MCF2L2: variants seen among roughly 807,000 people sequenced by gnomAD.
The protein encoded by MCF2L2 is probable guanine nucleotide exchange factor MCF2L2.
A neutral mutation model predicts 150.2 loss-of-function variants in MCF2L2; 102 were observed. That is an observed-to-expected ratio of 0.68 (90% CI 0.58 to 0.80). The LOEUF (loss-of-function observed/expected upper bound fraction) is 0.80, where lower values mean the gene tolerates loss of function less well. MCF2L2 is among the 30% of genes least tolerant of loss of function. MCF2L2 has a pLI of 0.00. For synonymous variants in MCF2L2, 465 were observed against 491.3 expected, an observed-to-expected ratio of 0.95 and a Z score of 0.71; for missense variants, 1,256 against 1,372.8, an observed-to-expected ratio of 0.91 and a Z score of 1.34.
rs1721451209 is a variant in MCF2L2, at chr3:183,179,735, A to T, written c.3106-43T>A. ...GGTGCACCCTCAGAGTTATTGCTGGAGGCTGTGGCCAGACCGGGCAAGGTG... is the reference window on the plus strand; with the variant it reads ...GGTGCACCCTCAGAGTTATTGCTGGTGGCTGTGGCCAGACCGGGCAAGGTG... On this transcript the variant is annotated intron_variant, in intron 28 of 29. Coordinates refer to ENST00000328913, the MANE Select transcript of MCF2L2 (RefSeq NM_015078.4). This position sits in a 1 kb window ranked among gnomAD's most constrained non-coding sequence, Gnocchi z 4.2. 6.4e-7 allele frequency: 1 copy of T among 1,563,056 alleles called. No individual in the cohort carries two copies. Among genetic ancestry groups the T allele is most frequent in the Admixed American group, 1.7e-5 (1 of 59,308 alleles).
chr3:183,205,747 C>T, intron 25 of MCF2L2, 129 bp downstream of exon 25: 1 of 674,856 alleles, frequency 1.5e-6, no homozygotes. Flanking sequence ...CTTCCAGGGA[C>T]TGTGAAAATG....
At chr3:183,229,909 C>T in intron 16 of MCF2L2, 128 bp from the exon 17 acceptor site, 2 of 481,742 alleles carry the variant, frequency 4.2e-6, no homozygotes, top group Non-Finnish European at 3.8e-6. Flanking sequence ...TTCTTGAAAG[C>T]TATCGTATTG....
chr3:183,301,793 C>CAAAAAAAAAAAAAAAA (rs200514561), intron 10 of MCF2L2, among the ~76,000 whole-genome samples: 8 of 124,342 alleles, frequency 6.4e-5, no homozygotes, highest in African/African-American at 2.4e-4. Context: ...GCTCTGTCTC[C>CAAAAAAAAAAAAAAAA]AAAAAAAAAA....
chr3:183,375,015 G>A (rs1455134005), intron 3 of MCF2L2: 3 of 152,294 alleles, frequency 2.0e-5, no homozygotes, highest in African/African-American at 4.8e-5. Context: ...ACAGCCTAAG[G>A]ATACTACAAC....
chr3:183,216,580 ATTTTTTTTTTTTTTTTTT>A (rs1160267005), intron 21 of MCF2L2, among the ~76,000 whole-genome samples: 31 of 3,848 alleles, frequency 8.1e-3, no homozygotes, highest in East Asian at 0.014. Flanking sequence ...ATATATATAT[ATTTTTTTTTTTTTTTTTT>A]TTTTTTTTTT....
At chr3:183,309,971 T>A in intron 9 of MCF2L2, 136 bp from the exon 10 acceptor site, 6 of 985,262 alleles carry the variant, frequency 6.1e-6, no homozygotes, top group South Asian at 2.1e-5. Flanking sequence ...TGTTAAAAAT[T>A]TTTTTTTTGC....
rs143091752 is a variant in MCF2L2 at position 183,183,631 on chromosome 3, T to A, written c.3017-3472A>T. Reference sequence around the variant, plus strand: ...AGCTTCCTTATCTCTAAAATGGAGATAATAACATCGATTTTGCAGTCTTGG... The same window carrying A: ...AGCTTCCTTATCTCTAAAATGGAGAAAATAACATCGATTTTGCAGTCTTGG... On this transcript the variant is annotated intron_variant, in intron 27 of 29. Transcript: ENST00000328913. Among the ~76,000 whole-genome samples the A allele has an allele frequency of 7.0e-3, 1,072 of 152,358 alleles. 15 individuals carry two copies. The highest frequency in any genetic ancestry group is 0.023 in the African/African-American group (954 of 41,588).
chr3:183,242,127 T>G (rs2108683433), intron 15 of MCF2L2, among the ~76,000 whole-genome samples: 1 of 152,312 alleles, frequency 6.6e-6, no homozygotes. Context: ...TTCAGTTTTA[T>G]GTATTCACAA....
chr3:183,372,472 T>A (rs2108578802), intron 3 of MCF2L2: 1 of 152,158 alleles, frequency 6.6e-6, no homozygotes, highest in South Asian at 2.1e-4. Context: ...TATAGAAAAG[T>A]CCTTTAGAAA....
chr3:183,330,765 G>A (rs1270247922), intron 5 of MCF2L2, among the ~76,000 whole-genome samples: 1 of 151,982 alleles, frequency 6.6e-6, no homozygotes, highest in African/African-American at 2.4e-5. Flanking sequence ...AAGAAAAAAG[G>A]CAGAATAATT....
intron 18 of MCF2L2, 43 bp downstream of exon 18, chr3:183,228,254 G>A: frequency 6.8e-7 from 1 of 1,473,676 alleles, no homozygotes; most frequent in South Asian, 1.1e-5. Context: ...AGAAATGTAA[G>A]GGCTGACTTT....
At chr3:183,189,849 C>T (rs551422668) in intron 27 of MCF2L2, among the ~76,000 whole-genome samples, 1 of 152,332 alleles carries the variant, frequency 6.6e-6, no homozygotes, top group South Asian at 2.1e-4. Flanking sequence ...TCCTCATTCC[C>T]AGTTTTTGGG....
intron 4 of MCF2L2, among the ~76,000 whole-genome samples, chr3:183,340,268 C>T (rs1730645391): frequency 6.6e-6 from 1 of 152,150 alleles, no homozygotes; most frequent in South Asian, 2.1e-4. Flanking sequence ...CGTGTGTGTG[C>T]ATGTTTGCAT....
At chr3:183,261,938 T>C (rs2108420104) in intron 15 of MCF2L2, among the ~76,000 whole-genome samples, 1 of 147,518 alleles carries the variant, frequency 6.8e-6, no homozygotes, top group Admixed American at 6.8e-5. Flanking sequence ...ACAACCGTTT[T>C]AGGAGGTTTT....
chr3:183,277,352 AAGC>A (rs914348158), intron 14 of MCF2L2, among the ~76,000 whole-genome samples: 9 of 148,816 alleles, frequency 6.0e-5, no homozygotes, highest in Non-Finnish European at 1.2e-4. Flanking sequence ...AAAAAAAAAA[AAGC>A]AGGTGTCCTT....
intron 12 of MCF2L2, among the ~76,000 whole-genome samples, 165 bp from the exon 13 acceptor site, chr3:183,295,642 T>C (rs41501647): frequency 0.02 from 3,090 of 151,938 alleles, 59 homozygotes; most frequent in East Asian, 0.051. Flanking sequence ...CCTGCCATGC[T>C]CCAGAATTGG....
intron 1 of MCF2L2, among the ~76,000 whole-genome samples, chr3:183,422,245 T>C (rs1715922090): frequency 6.6e-6 from 1 of 152,212 alleles, no homozygotes; most frequent in South Asian, 2.1e-4. Flanking sequence ...CTTAATTTCT[T>C]ACTCTCAAAA....
At chr3:183,336,144 G>GTAA (rs1730468657) in intron 5 of MCF2L2, among the ~76,000 whole-genome samples, 2 of 151,986 alleles carry the variant, frequency 1.3e-5, no homozygotes, top group Non-Finnish European at 2.9e-5. Flanking sequence ...ACAAACTAAG[G>GTAA]TAATACATAC....
At chr3:183,310,704 C>T (rs909728563) in intron 9 of MCF2L2, 1 of 546,106 alleles carries the variant, frequency 1.8e-6, no homozygotes. Flanking sequence ...ATGCCATGTA[C>T]ATCAACAGGT....
Sources: gnomAD v4.1 joint callset for allele counts (sites outside exome capture counted in the v4.1 genomes callset) on GRCh38, gnomAD v4.1.1 for gene constraint, Gnocchi (gnomAD v3.1) non-coding constraint, MANE v1.5 for transcripts, NCBI Gene and HGNC (gene_info 2026-07-23, HGNC 2026-07-21) for gene names.